The following LIN54 variants were observed in gnomAD, a reference collection of about 807,000 sequenced individuals.
The protein encoded by LIN54 is lin-54 DREAM MuvB core complex component.
Under a neutral mutation model 78.7 loss-of-function variants are expected in LIN54, and 9 were observed. The ratio of observed to expected loss-of-function variants is 0.11; its 90% confidence interval spans 0.07 to 0.20. The LOEUF is 0.20. Ranked by LOEUF, LIN54 falls within the 10% of genes least tolerant of loss-of-function variation. The probability of loss-of-function intolerance (pLI) is 1.00; values close to 1 mark genes in which losing one functional copy is unlikely to be tolerated. For missense variants in LIN54, 573 were observed against 889.9 expected, an observed-to-expected ratio of 0.64 and a Z score of 4.53; for synonymous variants, 269 against 318.4, an observed-to-expected ratio of 0.84 and a Z score of 1.65.
intron 3 of LIN54, among the ~76,000 whole-genome samples, chr4:82,973,182 A>G (rs960793928): frequency 1.3e-5 from 2 of 152,194 alleles, no homozygotes; most frequent in African/African-American, 4.8e-5. Context: ...AAAGAAAAAA[A>G]TCAGCTGTTG....
intron 1 of LIN54, among the ~76,000 whole-genome samples, chr4:83,008,643 G>A (rs1051677630): frequency 6.6e-5 from 10 of 152,122 alleles, no homozygotes; most frequent in African/African-American, 2.4e-4. Flanking sequence ...CTGCACTCTA[G>A]CCTGGGCGAC....
At position 82,939,873 on chromosome 4, in the gene LIN54, G is replaced by A; in HGVS notation, c.1242+16C>T. ...CTATTTGGGAAAGACTGAGAAAGAAGTTATGTGATACTTACTTGTTTGACA... is the reference window on the plus strand; with the variant it reads ...CTATTTGGGAAAGACTGAGAAAGAAATTATGTGATACTTACTTGTTTGACA... On this transcript the variant is annotated intron_variant, in intron 6 of 12. Coordinates refer to ENST00000340417, the MANE Select transcript of LIN54 (RefSeq NM_194282.4). 1.2e-6 allele frequency: 2 copies of A among 1,606,946 alleles called. No homozygotes were observed. The highest frequency in any genetic ancestry group is 1.7e-6 in the Non-Finnish European group (2 of 1,175,054).
At chr4:82,978,171 T>A (rs1726325816) in intron 3 of LIN54, among the ~76,000 whole-genome samples, 1 of 152,130 alleles carries the variant, frequency 6.6e-6, no homozygotes, top group South Asian at 2.1e-4. Context: ...ACACTTGAAG[T>A]CAAGATTTCT....
At chr4:83,005,762 C>G (rs1314438496) in intron 1 of LIN54, among the ~76,000 whole-genome samples, 1 of 152,066 alleles carries the variant, frequency 6.6e-6, no homozygotes, top group Non-Finnish European at 1.5e-5. Flanking sequence ...ACCATTTGAC[C>G]CAGCAATCAC....
intron 4 of LIN54, among the ~76,000 whole-genome samples, chr4:82,954,066 A>G (rs1724076254): frequency 6.6e-6 from 1 of 152,240 alleles, no homozygotes; most frequent in Non-Finnish European, 1.5e-5. Context: ...ATGTAAAAAA[A>G]TAACATAAAA....
intron 1 of LIN54, among the ~76,000 whole-genome samples, chr4:83,010,106 G>C (rs901028413): frequency 6.6e-6 from 1 of 152,080 alleles, no homozygotes; most frequent in African/African-American, 2.4e-5. Context: ...TTACAGACTA[G>C]GATCTAAGAC....
chr4:82,972,842 G>A (rs796729567), intron 3 of LIN54, among the ~76,000 whole-genome samples: 9 of 151,418 alleles, frequency 5.9e-5, no homozygotes, highest in African/African-American at 1.9e-4. Context: ...TTAGCCAGGC[G>A]TGGTAGCGTG....
At chr4:83,000,435 A>G (rs761327826) in intron 1 of LIN54, among the ~76,000 whole-genome samples, 3 of 152,244 alleles carry the variant, frequency 2.0e-5, no homozygotes, top group Non-Finnish European at 2.9e-5. Flanking sequence ...TTCCAAATGT[A>G]TAACAAGAAG....
chr4:83,006,301 T>C (rs963142931), intron 1 of LIN54, among the ~76,000 whole-genome samples: 1 of 151,896 alleles, frequency 6.6e-6, no homozygotes, highest in African/African-American at 2.4e-5. Context: ...TACAAAAAAT[T>C]AGCCAGACAT....
intron 1 of LIN54, among the ~76,000 whole-genome samples, chr4:82,988,001 T>C (rs759029836): frequency 6.6e-6 from 1 of 152,232 alleles, no homozygotes; most frequent in Non-Finnish European, 1.5e-5. Flanking sequence ...TCATGAACAA[T>C]GTAAAAGCAT....
At chr4:82,995,627 C>G (rs1475052662) in intron 1 of LIN54, among the ~76,000 whole-genome samples, 1 of 150,776 alleles carries the variant, frequency 6.6e-6, no homozygotes, top group African/African-American at 2.4e-5. Flanking sequence ...TCCCAAGTAG[C>G]TGGGACTACA....
At chr4:82,975,904 G>C (rs1162758485) in intron 3 of LIN54, among the ~76,000 whole-genome samples, 2 of 152,100 alleles carry the variant, frequency 1.3e-5, no homozygotes, top group Non-Finnish European at 2.9e-5. Context: ...CAAGTTTTAT[G>C]GAAATAAATA....
chr4:82,932,970 A>G (rs921456579), intron 11 of LIN54, among the ~76,000 whole-genome samples: 1 of 152,046 alleles, frequency 6.6e-6, no homozygotes, highest in Non-Finnish European at 1.5e-5. Flanking sequence ...TGTCTATATA[A>G]ATAAATAAAA....
At chr4:82,966,530 G>C (rs915831336) in intron 4 of LIN54, among the ~76,000 whole-genome samples, 2 of 151,840 alleles carry the variant, frequency 1.3e-5, no homozygotes, top group Admixed American at 1.3e-4. Context: ...CTCAGTGAGG[G>C]GGGAAAAAAA....
At chr4:83,003,886 C>T (rs1729074003) in intron 1 of LIN54, among the ~76,000 whole-genome samples, 1 of 152,134 alleles carries the variant, frequency 6.6e-6, no homozygotes, top group African/African-American at 2.4e-5. Flanking sequence ...TTATAAAGTA[C>T]ATTCTGGATC....
chr4:83,011,143 G>A (rs1729835290), upstream of LIN54, among the ~76,000 whole-genome samples: 1 of 152,194 alleles, frequency 6.6e-6, no homozygotes, highest in East Asian at 1.9e-4. Context: ...TGAGAGAGAT[G>A]GTGGAATGCG....
rs1004101943 is a variant in LIN54, at chr4:83,010,784, A to G, written c.-333T>C. ...ATCACAGCTCAGCAGCTTCCCCGAC[A>G]GCCGGAGCCCGGGCCGCCGCCGCCG... On this transcript the variant is annotated 5_prime_UTR_variant, in exon 1 of 13. Transcript: ENST00000340417. 1.3e-5 allele frequency: 16 copies of G among 1,230,598 alleles called. No individual in the cohort carries two copies. The highest frequency in any genetic ancestry group is 1.1e-5 in the Non-Finnish European group (11 of 987,952). 76.2% of individuals were successfully genotyped at this position (1,230,598 alleles called of 1,614,324 possible).
At chr4:82,988,266 T>C (rs1037049992) in intron 1 of LIN54, among the ~76,000 whole-genome samples, 1 of 152,226 alleles carries the variant, frequency 6.6e-6, no homozygotes. Flanking sequence ...ATATATTATG[T>C]ACTTATGACA....
At chr4:83,001,464 C>A (rs947883107) in intron 1 of LIN54, among the ~76,000 whole-genome samples, 1 of 152,000 alleles carries the variant, frequency 6.6e-6, no homozygotes, top group African/African-American at 2.4e-5. Context: ...GTGGAAGGAT[C>A]ACTTGAGCCC....
Sources: gnomAD v4.1 joint callset for allele counts (sites outside exome capture counted in the v4.1 genomes callset) on GRCh38, gnomAD v4.1.1 for gene constraint, MANE v1.5 for transcripts, NCBI Gene and HGNC (gene_info 2026-07-23, HGNC 2026-07-21) for gene names.